CD2BP2: variants seen among roughly 807,000 people sequenced by gnomAD.
CD2BP2 encodes CD2 antigen cytoplasmic tail-binding protein 2.
A neutral mutation model predicts 35.9 loss-of-function variants in CD2BP2; 27 were observed. The ratio of observed to expected loss-of-function variants is 0.75; its 90% confidence interval spans 0.55 to 1.04. CD2BP2 has a LOEUF of 1.04. Among genes scored for constraint, CD2BP2 ranks in the 50% least tolerant of loss-of-function variants. The pLI is 0.00. For missense variants in CD2BP2, 497 were observed against 444.3 expected (o/e 1.12, Z -1.07); for synonymous variants, 213 against 173.5 (o/e 1.23, Z -1.79).
Position 30,351,980 on chromosome 16 carries a change from A to AG in CD2BP2, c.*1004dup, listed in dbSNP as rs1385337081. ...TCTAACGTGGGGCAAGGGAGGCGTA[A>AG]GGCAATGCTGGTGGGGCGTGGAGGT... On this transcript the variant is annotated 3_prime_UTR_variant, in exon 7 of 7. Coordinates refer to ENST00000305596, the MANE Select transcript of CD2BP2 (RefSeq NM_006110.3). 5 of 152,632 alleles carry AG rather than the reference A, an allele frequency of 3.3e-5. No homozygotes were observed. Among genetic ancestry groups the AG allele is most frequent in the Non-Finnish European group, 7.3e-5 (5 of 68,288 alleles). The allele number at this position is 152,632 out of a possible 1,614,324, so 9.5% of individuals were successfully genotyped here.
Position 30,353,888 on chromosome 16 carries a change from C to A in CD2BP2, c.375+13G>T, listed in dbSNP as rs1260173790. 1.2e-6 allele frequency: 2 copies of A among 1,613,544 alleles called. No homozygotes were observed. The highest frequency in any genetic ancestry group is 1.7e-6 in the Non-Finnish European group (2 of 1,179,930). On this transcript the variant is annotated intron_variant, in intron 4 of 6. Coordinates refer to ENST00000305596, the MANE Select transcript of CD2BP2 (RefSeq NM_006110.3). ...ACTCCCAGGCCCCAGCCACGCCAGC[C>A]CCTGGGCCGCACCCAGTCAATGTTG...
chr16:30,353,709 G>C lies in CD2BP2; in HGVS notation c.467C>G (p.Ala156Gly). Residue 156 changes from alanine (A) to glycine (G), a missense_variant, in exon 5 of 7, where the codon GCC (alanine) becomes GGC (glycine). Physicochemically the swap from Ala to Gly is moderately conservative, Grantham distance 60. Coordinates refer to ENST00000305596, the MANE Select transcript of CD2BP2 (RefSeq NM_006110.3). ...SLGQTSMSAQ[A>G]LLEGLLELLL... ...GAGCTCCAAAAGTCCCTCCAAGAGGGCTTGGGCACTCATTGAGGTCTGGCC... is the reference window on the plus strand; with the variant it reads ...GAGCTCCAAAAGTCCCTCCAAGAGGCCTTGGGCACTCATTGAGGTCTGGCC... The C allele has an allele frequency of 6.2e-7, 1 of 1,613,430 alleles. No individual in the cohort carries two copies. The highest frequency in any genetic ancestry group is 8.5e-7 in the Non-Finnish European group (1 of 1,179,886).
chr16:30,354,898 G>C (rs2049522661), intron 1 of CD2BP2, 191 bp from the exon 2 acceptor site: 1 of 578,608 alleles, frequency 1.7e-6, no homozygotes, highest in African/African-American at 1.9e-5. Flanking sequence ...CGAGTTAAAC[G>C]GGGCGGGGAC....
At position 30,351,448 on chromosome 16, in the gene CD2BP2, G is replaced by C. The variant is rs894745117; in HGVS notation, c.*1537C>G. 5 of 152,246 alleles carry C rather than the reference G, an allele frequency of 3.3e-5. No homozygotes were observed. The highest frequency in any genetic ancestry group is 9.7e-5 in the African/African-American group (4 of 41,434). 9.4% of individuals were successfully genotyped at this position (152,246 alleles called of 1,614,324 possible). The stretch of plus-strand genomic sequence containing the variant: ...ATCTTTAGATCAATGGCATCTTACT[G>C]TGTCACCGGCAGGCCTCTTCTTTCT... On this transcript the variant is annotated 3_prime_UTR_variant, in exon 7 of 7. Transcript: ENST00000305596.
In CD2BP2 at chr16:30,353,080, C is replaced by T. The variant is rs1238803254; in HGVS notation, c.931G>A (p.Gly311Ser). The stretch of plus-strand genomic sequence containing the variant: ...CAATAAACACCGTCCGGGAAGTAGC[C>T]TTCACTCACCCAGGTCTGCAAGGAG... ...SAQMQTWVSE[G>S]YFPDGVYCRK... The change falls in exon 7 of 7, where the codon GGC (glycine) becomes AGC (serine). Residue 311 changes from glycine to serine, a missense_variant. Coordinates refer to ENST00000305596, the MANE Select transcript of CD2BP2 (RefSeq NM_006110.3). 1 of 1,613,840 alleles carries T rather than the reference C, an allele frequency of 6.2e-7. No individual in the cohort carries two copies. The highest frequency in any genetic ancestry group is 8.5e-7 in the Non-Finnish European group (1 of 1,179,894).
rs1465688393 is a variant in CD2BP2, at chr16:30,352,981, A to G, written c.*4T>C. The G allele has an allele frequency of 2.5e-6, 4 of 1,595,198 alleles. No individual in the cohort carries two copies. In the South Asian group the frequency reaches 3.3e-5, roughly 13 times the overall value. On this transcript the variant is annotated 3_prime_UTR_variant, in exon 7 of 7. Transcript: ENST00000305596. The stretch of plus-strand genomic sequence containing the variant: ...GGGCCCACCAAACTGGGCCCCCAGC[A>G]GGCTCAGGTGTAGAGGTCAAAGTCA...
intron 6 of CD2BP2, 35 bp from the exon 7 acceptor site, chr16:30,353,130 C>A: frequency 6.2e-7 from 1 of 1,608,030 alleles, no homozygotes; most frequent in Non-Finnish European, 8.5e-7. Context: ...GAACAACTGA[C>A]AGGAGTGGGG....
chr16:30,355,063 C>T (rs554614932), intron 1 of CD2BP2, 149 bp downstream of exon 1: 277 of 277,106 alleles, frequency 1.0e-3, no homozygotes, highest in Non-Finnish European at 1.1e-3. Context: ...GCTCGCCGGG[C>T]CCCGGCAGAC....
In CD2BP2 at chr16:30,353,044, C is replaced by T. The variant is rs746034008; in HGVS notation, c.967G>A (p.Asp323Asn). 9 of 1,614,062 alleles carry T rather than the reference C, an allele frequency of 5.6e-6. No homozygotes were observed. Among genetic ancestry groups the T allele is most frequent in the Middle Eastern group, 1.6e-4 (1 of 6,062 alleles). Residue 323 changes from aspartate to asparagine, a missense_variant, in exon 7 of 7, where the codon GAC (aspartate) becomes AAC (asparagine). Physicochemically the swap from Asp to Asn is conservative, Grantham distance 23 (BLOSUM62 1). Transcript: ENST00000305596. ...TTGTAGAACTGACCACCAGGGGGGTCCAGCTTCCGGCAATAAACACCGTCC... is the reference window on the plus strand; with the variant it reads ...TTGTAGAACTGACCACCAGGGGGGTTCAGCTTCCGGCAATAAACACCGTCC... ...FPDGVYCRKL[D>N]PPGGQFYNSK...
In CD2BP2 at chr16:30,354,461, G is replaced by A. The variant is rs1461572856; in HGVS notation, c.79-139C>T. On this transcript the variant is annotated intron_variant, in intron 2 of 6. Coordinates refer to ENST00000305596, the MANE Select transcript of CD2BP2 (RefSeq NM_006110.3). ...CAAATATTTCAGGAGCCACACTAAAGACGCTCCCAACCCATTCCTCAGAGA... is the reference window on the plus strand; with the variant it reads ...CAAATATTTCAGGAGCCACACTAAAAACGCTCCCAACCCATTCCTCAGAGA... 2.3e-5 allele frequency: 31 copies of A among 1,358,936 alleles called. No homozygotes were observed. The East Asian group carries it at 6.2e-4, about 27-fold the overall frequency. 84.2% of individuals were successfully genotyped at this position (1,358,936 alleles called of 1,614,324 possible).
chr16:30,351,069 C>G lies in CD2BP2; in HGVS notation c.*1916G>C, dbSNP rs924017527. On this transcript the variant is annotated 3_prime_UTR_variant, in exon 7 of 7. Transcript: ENST00000305596. ...ACCTCAACCATCCACGGTCATCTCC[C>G]CACCACGAAATCCTGAACTGAAGCA... 6 of 152,700 alleles carry G rather than the reference C, an allele frequency of 3.9e-5. No homozygotes were observed. The highest frequency in any genetic ancestry group is 1.3e-4 in the Admixed American group (2 of 15,286). 9.5% of individuals were successfully genotyped at this position (152,700 alleles called of 1,614,324 possible). A position where few individuals can be genotyped will look rare whatever the true frequency, so the allele number is the denominator to read the frequency against.
At position 30,353,740 on chromosome 16, in the gene CD2BP2, T is replaced by A; in HGVS notation, c.436A>T (p.Ser146Cys). The A allele has an allele frequency of 2.5e-6, 4 of 1,610,010 alleles. No individual in the cohort carries two copies. The highest frequency in any genetic ancestry group is 3.4e-6 in the Non-Finnish European group (4 of 1,177,850). ...RQASDSEEED[S>C]LGQTSMSAQA... The stretch of plus-strand genomic sequence containing the variant: ...GCACTCATTGAGGTCTGGCCCAAGC[T>A]GTCCTCCTCCTCCGAGTCTGAGGCC... Residue 146 changes from serine to cysteine, a missense_variant, in exon 5 of 7, where the codon AGC becomes TGC. Ser to Cys is a moderately radical substitution (Grantham distance 112, BLOSUM62 -1). Transcript: ENST00000305596.
chr16:30,353,346 C>T, intron 5 of CD2BP2, 22 bp downstream of exon 5: 1 of 1,613,684 alleles, frequency 6.2e-7, no homozygotes, highest in Non-Finnish European at 8.5e-7. Context: ...CCACTGCCCC[C>T]TCCTCTGTCC....
At position 30,353,807 on chromosome 16, in the gene CD2BP2, T is replaced by C. The variant is rs867453629; in HGVS notation, c.376-7A>G. On this transcript the variant is annotated splice_region_variant and splice_polypyrimidine_tract_variant and intron_variant, in intron 4 of 6. Coordinates refer to ENST00000305596, the MANE Select transcript of CD2BP2 (RefSeq NM_006110.3). ...GCCGCTCCCGGATCTTCACCTGTAA[T>C]GGGAAGATGGAGTGATTTCCCACCA... is the stretch of plus-strand genomic sequence containing the variant. The C allele has an allele frequency of 5.6e-6, 9 of 1,604,652 alleles. No individual in the cohort carries two copies. The Middle Eastern group carries it at 8.2e-4, about 147-fold the overall frequency.
Position 30,353,710 on chromosome 16 carries a change from C to A in CD2BP2, c.466G>T (p.Ala156Ser), listed in dbSNP as rs542688611. The A allele has an allele frequency of 6.2e-7, 1 of 1,613,400 alleles. No individual in the cohort carries two copies. The highest frequency in any genetic ancestry group is 1.3e-5 in the African/African-American group (1 of 74,936). The stretch of plus-strand genomic sequence containing the variant: ...AGCTCCAAAAGTCCCTCCAAGAGGG[C>A]TTGGGCACTCATTGAGGTCTGGCCC... ...SLGQTSMSAQ[A>S]LLEGLLELLL... Residue 156 changes from alanine to serine, a missense_variant, in exon 5 of 7, where the codon GCC becomes TCC. Coordinates refer to ENST00000305596, the MANE Select transcript of CD2BP2 (RefSeq NM_006110.3).
Position 30,352,771 on chromosome 16 carries a change from CAG to C in CD2BP2, c.*212_*213del. 1.7e-6 allele frequency: 1 copy of C among 581,086 alleles called. No homozygotes were observed. The highest frequency in any genetic ancestry group is 3.1e-6 in the Non-Finnish European group (1 of 325,696). 36.0% of individuals were successfully genotyped at this position (581,086 alleles called of 1,614,324 possible). On this transcript the variant is annotated 3_prime_UTR_variant, in exon 7 of 7. Coordinates refer to ENST00000305596, the MANE Select transcript of CD2BP2 (RefSeq NM_006110.3). ...CAAGAAGGATCTTCATGGGAGTACT[CAG>C]GGACCAAGACAAGTCCAAAGGGACT... is the stretch of plus-strand genomic sequence containing the variant.
rs1414353337 is a variant in CD2BP2 at position 30,352,777 on chromosome 16, C to G, written c.*208G>C. On this transcript the variant is annotated 3_prime_UTR_variant, in exon 7 of 7. Coordinates refer to ENST00000305596, the MANE Select transcript of CD2BP2 (RefSeq NM_006110.3). ...GGATCTTCATGGGAGTACTCAGGGA[C>G]CAAGACAAGTCCAAAGGGACTGTGG... 3 of 586,208 alleles carry G rather than the reference C, an allele frequency of 5.1e-6. No individual in the cohort carries two copies. Among genetic ancestry groups the G allele is most frequent in the Admixed American group, 3.0e-5 (1 of 33,512 alleles). 36.3% of individuals were successfully genotyped at this position (586,208 alleles called of 1,614,324 possible). A position where few individuals can be genotyped will look rare whatever the true frequency, so the allele number is the denominator to read the frequency against.
At position 30,351,738 on chromosome 16, in the gene CD2BP2, C is replaced by T. The variant is rs1596975207; in HGVS notation, c.*1247G>A. On this transcript the variant is annotated 3_prime_UTR_variant, in exon 7 of 7. Coordinates refer to ENST00000305596, the MANE Select transcript of CD2BP2 (RefSeq NM_006110.3). ...TCAGCTCTCCAACCACGGTGGGGTC[C>T]AGGAGCCACCCCTCCCGCTAGGTGT... The T allele has an allele frequency of 6.6e-6, 1 of 152,492 alleles. No homozygotes were observed. Among genetic ancestry groups the T allele is most frequent in the Non-Finnish European group, 1.5e-5 (1 of 68,284 alleles). The allele number at this position is 152,492 out of a possible 1,614,324, so 9.4% of individuals were successfully genotyped here.
chr16:30,352,688 G>A lies in CD2BP2; in HGVS notation c.*297C>T. 1 of 435,414 alleles carries A rather than the reference G, an allele frequency of 2.3e-6. No individual in the cohort carries two copies. Among genetic ancestry groups the A allele is most frequent in the Non-Finnish European group, 4.2e-6 (1 of 237,302 alleles). The allele number at this position is 435,414 out of a possible 1,614,324, so 27.0% of individuals were successfully genotyped here. ...AGCACAGAGCAGCGCAGTTGGGGGT[G>A]TTTACACGGCAAGCAGAGTCCAGGC... is the stretch of plus-strand genomic sequence containing the variant. On this transcript the variant is annotated 3_prime_UTR_variant, in exon 7 of 7. Transcript: ENST00000305596.
Sources: allele counts gnomAD v4.1 joint callset, GRCh38; gene constraint gnomAD v4.1.1; transcripts MANE v1.5; gene names NCBI Gene and HGNC (gene_info 2026-07-23, HGNC 2026-07-21).